The following FHIT variants were observed in gnomAD, a reference collection of about 807,000 sequenced individuals.
FHIT encodes the protein bis(5'-adenosyl)-triphosphatase.
A neutral mutation model predicts 17.9 loss-of-function variants in FHIT; 19 were observed. That is an observed-to-expected ratio of 1.06 (90% CI 0.74 to 1.56). The LOEUF (loss-of-function observed/expected upper bound fraction) is 1.56. FHIT is among the 40% of genes most tolerant of loss of function. The pLI, the probability that FHIT is intolerant of heterozygous loss-of-function variation, is 0.00. For synonymous variants in FHIT, 81 were observed against 69.7 expected, an observed-to-expected ratio of 1.16 and a Z score of -0.81; for missense variants, 248 against 189.2, an observed-to-expected ratio of 1.31 and a Z score of -1.82.
At chr3:60,035,324 C>T (rs1032603737) in intron 5 of FHIT, among the ~76,000 whole-genome samples, 1 of 152,206 alleles carries the variant, frequency 6.6e-6, no homozygotes, top group South Asian at 2.1e-4. Context: ...GCAACCCCTG[C>T]CTCCTGGGTT....
intron 5 of FHIT, among the ~76,000 whole-genome samples, chr3:60,247,795 A>G (rs570295018): frequency 6.6e-6 from 1 of 152,270 alleles, no homozygotes; most frequent in African/African-American, 2.4e-5. Flanking sequence ...AGAAATTCAC[A>G]TATCTACTTC....
chr3:60,953,870 G>A (rs2107467840), intron 3 of FHIT, among the ~76,000 whole-genome samples: 1 of 152,282 alleles, frequency 6.6e-6, no homozygotes, highest in African/African-American at 2.4e-5. Flanking sequence ...ACGGAAAGAT[G>A]TCCATTATAG....
At chr3:60,960,066 T>G (rs1709345495) in intron 3 of FHIT, among the ~76,000 whole-genome samples, 1 of 151,998 alleles carries the variant, frequency 6.6e-6, no homozygotes, top group Non-Finnish European at 1.5e-5. Flanking sequence ...TGGGGCAGTT[T>G]TTTTTTTACC....
intron 7 of FHIT, among the ~76,000 whole-genome samples, chr3:60,010,349 A>G (rs1276933095): frequency 1.3e-5 from 2 of 152,224 alleles, no homozygotes; most frequent in Non-Finnish European, 2.9e-5. Context: ...TATGATAAGG[A>G]ATTTGGTAGC....
chr3:59,834,656 T>G (rs962059214), intron 8 of FHIT, among the ~76,000 whole-genome samples: 4 of 152,128 alleles, frequency 2.6e-5, no homozygotes, highest in Non-Finnish European at 4.4e-5. Flanking sequence ...CATCTTCTTA[T>G]AAGGGCACTA....
intron 5 of FHIT, among the ~76,000 whole-genome samples, chr3:60,340,752 G>C (rs1320061449): frequency 1.3e-5 from 2 of 152,084 alleles, no homozygotes; most frequent in Admixed American, 6.6e-5. Flanking sequence ...CTGTTGCCCA[G>C]GCTGCAGTGC....
At chr3:60,626,387 A>G (rs1373491744) in intron 4 of FHIT, among the ~76,000 whole-genome samples, 4 of 152,170 alleles carry the variant, frequency 2.6e-5, no homozygotes, top group African/African-American at 9.7e-5. Context: ...ATATTCTTCA[A>G]CTTATTTCAA....
chr3:60,727,690 G>C (rs1403849746), intron 4 of FHIT, among the ~76,000 whole-genome samples: 5 of 152,134 alleles, frequency 3.3e-5, no homozygotes, highest in African/African-American at 1.2e-4. Flanking sequence ...AAAATCATTT[G>C]CTTCATTGAA....
At chr3:59,903,997 A>ATCT (rs1704459012) in intron 8 of FHIT, among the ~76,000 whole-genome samples, 1 of 152,176 alleles carries the variant, frequency 6.6e-6, no homozygotes, top group Admixed American at 6.5e-5. Context: ...AGTATGAGTT[A>ATCT]GTTAGGGCCT....
intron 4 of FHIT, among the ~76,000 whole-genome samples, chr3:60,789,059 GA>G (rs1559723557): frequency 6.8e-6 from 1 of 147,460 alleles, no homozygotes. Flanking sequence ...ACTGAGAGTT[GA>G]AAAAAAATAT....
At position 60,393,865 on chromosome 3, in the gene FHIT, T is replaced by G. The variant is rs114681433; in HGVS notation, c.103+142995A>C. ...ATTCTCTTCACTCCAGTAAGTTCTC[T>G]GTCTGGCTCCTGTGGGCCTCTGCAT... is the stretch of plus-strand genomic sequence containing the variant. On this transcript the variant is annotated intron_variant, in intron 5 of 9. Transcript: ENST00000492590. Among the ~76,000 whole-genome samples, 715 of 152,258 alleles carry G rather than the reference T, an allele frequency of 4.7e-3. 10 individuals are homozygous for G. The highest frequency in any genetic ancestry group is 0.016 in the African/African-American group (681 of 41,554).
At chr3:60,799,609 C>G (rs1701113694) in intron 4 of FHIT, among the ~76,000 whole-genome samples, 1 of 152,232 alleles carries the variant, frequency 6.6e-6, no homozygotes, top group African/African-American at 2.4e-5. Flanking sequence ...TGAGGCATTT[C>G]TTGCCTCGGG....
At chr3:61,208,358 C>A (rs949268782) in intron 1 of FHIT, among the ~76,000 whole-genome samples, 2 of 151,984 alleles carry the variant, frequency 1.3e-5, no homozygotes, top group Admixed American at 1.3e-4. Flanking sequence ...GAGTTCAATT[C>A]CTGGATATCC....
At chr3:60,774,538 T>C (rs990192772) in intron 4 of FHIT, among the ~76,000 whole-genome samples, 2 of 152,152 alleles carry the variant, frequency 1.3e-5, no homozygotes, top group African/African-American at 4.8e-5. Context: ...TGACCTCAAG[T>C]GATCTGCCCA....
chr3:60,912,891 TGTATGTG>T (rs1706817972), intron 3 of FHIT: 1 of 426,940 alleles, frequency 2.3e-6, no homozygotes, highest in South Asian at 2.0e-5. Context: ...TACTTCCATG[TGTATGTG>T]CAAGTACATG....
At chr3:59,901,487 G>A (rs1218691142) in intron 8 of FHIT, among the ~76,000 whole-genome samples, 1 of 152,144 alleles carries the variant, frequency 6.6e-6, no homozygotes, top group Non-Finnish European at 1.5e-5. Flanking sequence ...TTCCTCCAAA[G>A]AAGCTATACA....
intron 2 of FHIT, among the ~76,000 whole-genome samples, chr3:61,108,032 G>A (rs1013759922): frequency 8.5e-5 from 13 of 152,204 alleles, no homozygotes; most frequent in Admixed American, 6.5e-4. Flanking sequence ...AGGCAGCTTA[G>A]GCTAAACTTG....
chr3:59,916,034 G>T (rs938654116), intron 8 of FHIT, among the ~76,000 whole-genome samples: 2 of 152,060 alleles, frequency 1.3e-5, no homozygotes, highest in East Asian at 1.9e-4. Context: ...AGGATGCAAA[G>T]TATTGTTACT....
intron 5 of FHIT, among the ~76,000 whole-genome samples, chr3:60,453,518 C>T (rs559538695): frequency 5.3e-5 from 8 of 152,222 alleles, no homozygotes; most frequent in South Asian, 4.2e-4. Context: ...GACTGACAAA[C>T]GAGGAAAATG....
Sources: allele counts gnomAD v4.1 joint callset (sites outside exome capture counted in the v4.1 genomes callset), GRCh38; gene constraint gnomAD v4.1.1; transcripts MANE v1.5; gene names NCBI Gene and HGNC (gene_info 2026-07-23, HGNC 2026-07-21).